The following NFIB variants were observed in gnomAD, a reference collection of about 807,000 sequenced individuals.
NFIB encodes the protein nuclear factor 1 B-type.
NFIB carries 11 observed loss-of-function variants against 61.5 expected under a neutral mutation model. That is an observed-to-expected ratio of 0.18 (90% CI 0.11 to 0.30). The LOEUF (loss-of-function observed/expected upper bound fraction) is 0.30. Among genes scored for constraint, NFIB ranks in the 10% least tolerant of loss-of-function variants. NFIB has a pLI of 1.00. For synonymous variants in NFIB, 260 were observed against 216.5 expected (o/e 1.20, Z -1.76); for missense variants, 471 against 608.9 (o/e 0.77, Z 2.38).
At chr9:14,252,535 TA>T (rs548723403) in intron 2 of NFIB, among the ~76,000 whole-genome samples, 17 of 151,812 alleles carry the variant, frequency 1.1e-4, no homozygotes, top group South Asian at 4.2e-4. Context: ...TTGTATTTGT[TA>T]AAAAAAACAG....
chr9:14,487,118 C>T, the NFIB span, among the ~76,000 whole-genome samples: 3 of 152,082 alleles, frequency 2.0e-5, no homozygotes, highest in Non-Finnish European at 4.4e-5. Flanking sequence ...TTTTATGAGC[C>T]TGAAAGACGT....
chr9:14,360,786 C>T lies in NFIB; in HGVS notation c.108+37738G>A, dbSNP rs138360647. The stretch of plus-strand genomic sequence containing the variant: ...GTCTCGATCTCCTGACCTCGTCATC[C>T]GCCCGCCTGGGCCTCCCAAAGCCTG... On this transcript the variant is annotated intron_variant, in intron 1 of 8. Coordinates refer to the NFIB transcript ENST00000380934. 5.7e-4 allele frequency among the ~76,000 whole-genome samples: 87 copies of T among 152,094 alleles called. No homozygotes were observed. The East Asian group carries it at 0.015, about 26-fold the overall frequency.
At chr9:14,288,999 CACAT>C (rs1187966413) in intron 2 of NFIB, among the ~76,000 whole-genome samples, 1 of 151,380 alleles carries the variant, frequency 6.6e-6, no homozygotes, top group Non-Finnish European at 1.5e-5. Flanking sequence ...TCATATTAAA[CACAT>C]ACCAAAATAA....
At chr9:14,113,955 A>T (rs1167761182) in intron 9 of NFIB, among the ~76,000 whole-genome samples, 1 of 152,172 alleles carries the variant, frequency 6.6e-6, no homozygotes, top group Admixed American at 6.5e-5. Flanking sequence ...ACTTTTCACA[A>T]GGAAAGGACT....
At chr9:14,430,873 C>G in the NFIB span, among the ~76,000 whole-genome samples, 1 of 152,222 alleles carries the variant, frequency 6.6e-6, no homozygotes. Context: ...TGAGCCACCA[C>G]GTCCGGCCCT....
intron 2 of NFIB, among the ~76,000 whole-genome samples, chr9:14,253,265 A>T (rs552388030): frequency 2.1e-4 from 32 of 152,320 alleles, no homozygotes; most frequent in African/African-American, 7.2e-4. Context: ...TAACATCTTT[A>T]ACGAACTAAC....
At chr9:14,092,564 A>G (rs1021100452) in intron 10 of NFIB, among the ~76,000 whole-genome samples, 6 of 152,080 alleles carry the variant, frequency 3.9e-5, no homozygotes, top group Admixed American at 2.6e-4. Context: ...TTAACATAAG[A>G]AAGAACTTTT....
chr9:14,398,903 G>A (rs558503835), exon 1 of NFIB: 1 of 351,730 alleles, frequency 2.8e-6, no homozygotes, highest in African/African-American at 2.1e-5. Context: ...GAATCTTTTA[G>A]ATCGGTGTCA....
chr9:14,341,909 T>C (rs965619090), intron 1 of NFIB, among the ~76,000 whole-genome samples: 2 of 147,334 alleles, frequency 1.4e-5, no homozygotes, highest in African/African-American at 5.1e-5. Context: ...TCAAGAAACA[T>C]TGCTTAGCTA....
chr9:14,185,223 A>G (rs1244373615), intron 2 of NFIB, among the ~76,000 whole-genome samples: 1 of 152,168 alleles, frequency 6.6e-6, no homozygotes, highest in Non-Finnish European at 1.5e-5. Flanking sequence ...ATCATAAAAG[A>G]TATCAAAAGA....
intron 2 of NFIB, among the ~76,000 whole-genome samples, chr9:14,266,800 G>A (rs1325512299): frequency 2.0e-5 from 3 of 151,760 alleles, no homozygotes; most frequent in South Asian, 2.1e-4. Flanking sequence ...ATCCATTCCT[G>A]TTGTTTCTGT....
rs576592860 is a variant in NFIB, at chr9:14,158,537, T to C, written c.617-2644A>G. ...TACAGAAGTGACTGGGTTTTGTTCA[T>C]CTCTATATCTTCCTTAATGACTAAC... On this transcript the variant is annotated intron_variant, in intron 3 of 10. Coordinates refer to ENST00000380953, the MANE Select transcript of NFIB (RefSeq NM_001190737.2). Among the ~76,000 whole-genome samples, 4 of 152,370 alleles carry C rather than the reference T, an allele frequency of 2.6e-5. No individual in the cohort carries two copies. The South Asian group carries it at 6.2e-4, about 24-fold the overall frequency.
At chr9:14,427,951 T>TTTTTTTG in the NFIB span, among the ~76,000 whole-genome samples, 113 of 112,894 alleles carry the variant, frequency 1.0e-3, 1 homozygote, top group African/African-American at 3.3e-3. Flanking sequence ...TTTTTTTTTT[T>TTTTTTTG]TTTTTTTTTT....
At chr9:14,193,223 T>C (rs909840185) in intron 2 of NFIB, among the ~76,000 whole-genome samples, 3 of 151,822 alleles carry the variant, frequency 2.0e-5, no homozygotes, top group Non-Finnish European at 2.9e-5. Flanking sequence ...CAAGTTTACT[T>C]CTTCTTTTTA....
intron 2 of NFIB, among the ~76,000 whole-genome samples, chr9:14,295,355 G>A (rs1229469519): frequency 6.6e-6 from 1 of 152,188 alleles, no homozygotes; most frequent in Non-Finnish European, 1.5e-5. Flanking sequence ...GCCGGGCGCG[G>A]TGGCTCATGC....
At chr9:14,514,168 C>A in the NFIB span, among the ~76,000 whole-genome samples, 1 of 152,160 alleles carries the variant, frequency 6.6e-6, no homozygotes, top group Admixed American at 6.5e-5. Context: ...TTGTATTACA[C>A]ATTTCTGTTT....
intron 3 of NFIB, among the ~76,000 whole-genome samples, chr9:14,165,353 T>G (rs982201412): frequency 6.6e-6 from 1 of 151,920 alleles, no homozygotes; most frequent in African/African-American, 2.4e-5. Flanking sequence ...AACCAACCAA[T>G]GAAAGATCAA....
the NFIB span, among the ~76,000 whole-genome samples, chr9:14,465,367 C>G: frequency 7.2e-5 from 11 of 152,124 alleles, no homozygotes; most frequent in African/African-American, 2.4e-4. Flanking sequence ...CAAATTCACA[C>G]TCAAGTGCTA....
chr9:14,146,914 C>T (rs2042331941), intron 5 of NFIB, 107 bp from the exon 6 acceptor site: 2 of 1,422,944 alleles, frequency 1.4e-6, no homozygotes, highest in South Asian at 1.3e-5. Context: ...TTCATAAGCA[C>T]AAGTAATAAT....
Sources: allele counts gnomAD v4.1 joint callset (sites outside exome capture counted in the v4.1 genomes callset), GRCh38; gene constraint gnomAD v4.1.1; transcripts MANE v1.5; gene names NCBI Gene and HGNC (gene_info 2026-07-23, HGNC 2026-07-21).